Variants in TNN observed in about 807,000 individuals in gnomAD.
The protein encoded by TNN is tenascin N, also known as tenascin-N.
In TNN, 122 loss-of-function variants were observed where a neutral mutation model predicts 134.4. That is an observed-to-expected ratio of 0.91 (90% confidence interval 0.78 to 1.06). TNN has a LOEUF of 1.06. Ranked by LOEUF, TNN falls within the 50% of genes least tolerant of loss-of-function variation. The probability of loss-of-function intolerance (pLI) is 0.00; values close to 1 mark genes in which losing one functional copy is unlikely to be tolerated. For synonymous variants in TNN, 710 were observed against 670.3 expected, an observed-to-expected ratio of 1.06 and a Z score of -0.91; for missense variants, 1,739 against 1,699.4, an observed-to-expected ratio of 1.02 and a Z score of -0.41.
chr1:175,146,221 C>G (rs1676066206), intron 18 of TNN, among the ~76,000 whole-genome samples: 1 of 152,194 alleles, frequency 6.6e-6, no homozygotes, highest in African/African-American at 2.4e-5. Context: ...TGGAAACGAG[C>G]AGCCAGGATG....
At chr1:175,115,147 G>C (rs1574162557) in intron 9 of TNN, among the ~76,000 whole-genome samples, 2 of 152,156 alleles carry the variant, frequency 1.3e-5, no homozygotes, top group South Asian at 4.2e-4. Context: ...TGGGACCTAG[G>C]GTACTATGTC....
At chr1:175,117,936 T>C (rs924863811) in intron 10 of TNN, among the ~76,000 whole-genome samples, 5 of 152,258 alleles carry the variant, frequency 3.3e-5, no homozygotes, top group African/African-American at 1.2e-4. Context: ...TACAGTGATT[T>C]AATCAGCAAA....
Position 175,147,227 on chromosome 1 carries a change from T to A in TNN, c.*156T>A. 2 of 705,900 alleles carry A rather than the reference T, an allele frequency of 2.8e-6. No homozygotes were observed. Among genetic ancestry groups the A allele is most frequent in the Non-Finnish European group, 4.2e-6 (2 of 480,964 alleles). 43.7% of individuals were successfully genotyped at this position (705,900 alleles called of 1,614,324 possible). A position where few individuals can be genotyped will look rare whatever the true frequency, so the allele number is the denominator to read the frequency against. ...CCATGGAGGTTCCTTCCCTCTCACC[T>A]GCATTTTTGCCCGTCTTTATGAGGG... On this transcript the variant is annotated 3_prime_UTR_variant, in exon 19 of 19. Transcript: ENST00000239462.
At chr1:175,106,517 C>T (rs991745467) in intron 9 of TNN, among the ~76,000 whole-genome samples, 1 of 145,772 alleles carries the variant, frequency 6.9e-6, no homozygotes, top group Non-Finnish European at 1.5e-5. Context: ...GGAGTTTATA[C>T]TAGAAATCAT....
chr1:175,136,729 CTT>C, intron 16 of TNN, 90 bp from the exon 17 acceptor site: 3 of 1,241,550 alleles, frequency 2.4e-6, no homozygotes, highest in Non-Finnish European at 3.4e-6. Flanking sequence ...ACTAAAGTGA[CTT>C]TAGGTTCTGA....
Position 175,136,029 on chromosome 1 carries a change from C to T in TNN, c.3427+88C>T, listed in dbSNP as rs1391403375. ...CTAGGAGGCTTAGGGAAGCTCACCA[C>T]CTTCACAGAGAGGCCCCAGTGGCAG... On this transcript the variant is annotated intron_variant, in intron 16 of 18. Transcript: ENST00000239462. 9 of 949,106 alleles carry T rather than the reference C, an allele frequency of 9.5e-6. No individual in the cohort carries two copies. The East Asian group carries it at 2.2e-4, about 23-fold the overall frequency. The allele number at this position is 949,106 out of a possible 1,614,324, so 58.8% of individuals were successfully genotyped here. A position where few individuals can be genotyped will look rare whatever the true frequency, so the allele number is the denominator to read the frequency against.
At chr1:175,100,058 T>A (rs1023553001) in intron 9 of TNN, among the ~76,000 whole-genome samples, 1 of 152,172 alleles carries the variant, frequency 6.6e-6, no homozygotes. Flanking sequence ...GCACAGCTCT[T>A]TTGCAATGCT....
chr1:175,107,620 CCA>C (rs1193327511), intron 9 of TNN, among the ~76,000 whole-genome samples: 1 of 144,268 alleles, frequency 6.9e-6, no homozygotes, highest in Non-Finnish European at 1.5e-5. Flanking sequence ...AACAAAGCTT[CCA>C]CAGTGTGGAA....
In TNN at chr1:175,097,650, GA is replaced by G. The variant is rs1349947326; in HGVS notation, c.1823del (p.Glu608GlyfsTer20). On this transcript the variant is annotated frameshift_variant, in exon 8 of 19. Transcript: ENST00000239462. LOFTEE classifies it high-confidence loss of function. ...VHVWAQKGDR[E>X]SKKADTNAPT... Reference sequence around the variant, plus strand: ...TGTCTGGGCCCAGAAGGGGGACCGAGAGAGCAAGAAGGCTGACACCAACGCC... The same window carrying G: ...TGTCTGGGCCCAGAAGGGGGACCGAGGAGCAAGAAGGCTGACACCAACGCC... 3 of 1,614,244 alleles carry G rather than the reference GA, an allele frequency of 1.9e-6. No individual in the cohort carries two copies. The South Asian group carries it at 3.3e-5, about 18-fold the overall frequency.
chr1:175,116,286 G>A (rs1020223631), intron 9 of TNN, among the ~76,000 whole-genome samples: 1 of 152,018 alleles, frequency 6.6e-6, no homozygotes, highest in Non-Finnish European at 1.5e-5. Context: ...TTAAATTATA[G>A]AGTAAATATT....
Position 175,093,985 on chromosome 1 carries a change from T to A in TNN, c.1325-5T>A. On this transcript the variant is annotated splice_region_variant and splice_polypyrimidine_tract_variant and intron_variant, in intron 6 of 18. Transcript: ENST00000239462. ...GATTTTTCTTTCTCATGTGTTTTTA[T>A]GAAGAAATTGACAGTCCAACCAATG... 6.3e-7 allele frequency: 1 copy of A among 1,582,700 alleles called. No individual in the cohort carries two copies. Among genetic ancestry groups the A allele is most frequent in the African/African-American group, 1.3e-5 (1 of 74,414 alleles).
At chr1:175,100,037 T>C (rs1042684716) in intron 9 of TNN, among the ~76,000 whole-genome samples, 1 of 152,194 alleles carries the variant, frequency 6.6e-6, no homozygotes, top group African/African-American at 2.4e-5. Context: ...CCTTTGTCCA[T>C]TCAACCAGAT....
In TNN at chr1:175,092,535, CACTTT is replaced by C. The variant is rs576041899; in HGVS notation, c.1325-1448_1325-1444del. On this transcript the variant is annotated intron_variant, in intron 6 of 18. Coordinates refer to ENST00000239462, the MANE Select transcript of TNN (RefSeq NM_022093.2). ...CATGTCACAGTAACCTTTCAGTTCACACTTTACTTTATTTATAATTTATTATTATT... is the reference window on the plus strand; with the variant it reads ...CATGTCACAGTAACCTTTCAGTTCACACTTTATTTATAATTTATTATTATT... Among the ~76,000 whole-genome samples, 174 of 152,312 alleles carry C rather than the reference CACTTT, an allele frequency of 1.1e-3. 1 individual carries two copies. The highest frequency in any genetic ancestry group is 3.9e-3 in the African/African-American group (164 of 41,558).
chr1:175,097,593 G>A lies in TNN; in HGVS notation c.1765G>A (p.Gly589Ser). The part of the protein sequence containing the change: ...GKEQSSTVLT[G>S]LRPGVEYTVH... ...GGAGCAGAGCAGCACTGTCCTGACAGGCCTGAGGCCAGGTGTGGAGTACAC... is the reference window on the plus strand; with the variant it reads ...GGAGCAGAGCAGCACTGTCCTGACAAGCCTGAGGCCAGGTGTGGAGTACAC... Residue 589 changes from glycine to serine, a missense_variant, in exon 8 of 19, where the codon GGC becomes AGC. By Grantham distance (56) the Gly-to-Ser change is moderately conservative (BLOSUM62 0). Transcript: ENST00000239462. 6.2e-7 allele frequency: 1 copy of A among 1,614,222 alleles called. No individual in the cohort carries two copies. The highest frequency in any genetic ancestry group is 1.1e-5 in the South Asian group (1 of 91,082).
At chr1:175,102,981 G>T (rs1674766031) in intron 9 of TNN, among the ~76,000 whole-genome samples, 1 of 146,460 alleles carries the variant, frequency 6.8e-6, no homozygotes, top group African/African-American at 2.5e-5. Flanking sequence ...GTGTCCTTCA[G>T]AGGGGAACTC....
Position 175,083,806 on chromosome 1 carries a change from G to T in TNN, c.1105G>T (p.Val369Leu). Residue 369 changes from valine to leucine, a missense_variant, in exon 5 of 19, where the codon GTG becomes TTG. Physicochemically the swap from Val to Leu is conservative, Grantham distance 32. Coordinates refer to ENST00000239462, the MANE Select transcript of TNN (RefSeq NM_022093.2). ...VTDETENSLDVEWENPSTEVD... is the reference protein window; with the variant it reads ...VTDETENSLDLEWENPSTEVD... Reference sequence around the variant, plus strand: ...AGATGAGACTGAGAACTCCCTTGACGTGGAGTGGGAAAACCCCTCAACTGA... The same window carrying T: ...AGATGAGACTGAGAACTCCCTTGACTTGGAGTGGGAAAACCCCTCAACTGA... 3 of 1,614,176 alleles carry T rather than the reference G, an allele frequency of 1.9e-6. No homozygotes were observed. The highest frequency in any genetic ancestry group is 1.6e-4 in the Middle Eastern group (1 of 6,062).
At chr1:175,100,973 C>T (rs550855113) in intron 9 of TNN, among the ~76,000 whole-genome samples, 2 of 152,238 alleles carry the variant, frequency 1.3e-5, no homozygotes, top group Admixed American at 1.3e-4. Context: ...TCAGGATATC[C>T]ATCAGCTCAA....
chr1:175,126,416 G>T (rs1028732532), intron 12 of TNN, among the ~76,000 whole-genome samples: 25 of 152,012 alleles, frequency 1.6e-4, no homozygotes, highest in African/African-American at 5.8e-4. Context: ...TTGTTTCTAT[G>T]CCAACTTAAT....
Position 175,128,706 on chromosome 1 carries a change from A to G in TNN, c.3290A>G (p.Gln1097Arg), listed in dbSNP as rs1478156516. The G allele has an allele frequency of 6.2e-7, 1 of 1,614,022 alleles. No individual in the cohort carries two copies. Among genetic ancestry groups the G allele is most frequent in the Admixed American group, 1.7e-5 (1 of 60,010 alleles). ...YLHGDASRPL[Q>R]VYCDMETDGG... The stretch of plus-strand genomic sequence containing the variant: ...CATGGCGATGCCAGCCGGCCCCTGC[A>G]GGTGTACTGTGACATGGAAACGGAC... Residue 1097 changes from glutamine to arginine, a missense_variant, in exon 15 of 19, where the codon CAG (glutamine) becomes CGG (arginine). Physicochemically the swap from Gln to Arg is conservative, Grantham distance 43. Transcript: ENST00000239462.
Sources: allele counts gnomAD v4.1 joint callset (sites outside exome capture counted in the v4.1 genomes callset), GRCh38; gene constraint gnomAD v4.1.1; transcripts MANE v1.5; gene names NCBI Gene and HGNC (gene_info 2026-07-23, HGNC 2026-07-21).